Variants in KLHL5 observed in about 807,000 individuals in gnomAD.
The protein encoded by KLHL5 is kelch like family member 5, also known as kelch-like protein 5.
A neutral mutation model predicts 77.7 loss-of-function variants in KLHL5; 48 were observed. The ratio of observed to expected loss-of-function variants is 0.62; its 90% CI spans 0.49 to 0.79. The LOEUF is 0.79. KLHL5 is among the 30% of genes least tolerant of loss of function. The pLI is 0.00. For missense variants in KLHL5, 723 were observed against 859.7 expected, an observed-to-expected ratio of 0.84 and a Z score of 1.99; for synonymous variants, 260 against 297.0, an observed-to-expected ratio of 0.88 and a Z score of 1.28.
chr4:39,045,557 T>G (rs1402860398), intron 1 of KLHL5, among the ~76,000 whole-genome samples: 2 of 152,092 alleles, frequency 1.3e-5, no homozygotes, highest in African/African-American at 4.8e-5. Flanking sequence ...TTCTTTTAAA[T>G]AATACCCTCG....
chr4:39,085,724 G>A (rs985083135), intron 4 of KLHL5, among the ~76,000 whole-genome samples: 8 of 152,126 alleles, frequency 5.3e-5, no homozygotes, highest in African/African-American at 1.7e-4. Context: ...GGCCAGGACT[G>A]AGTCATCTTC....
At chr4:39,092,370 T>C (rs773807861) in intron 5 of KLHL5, among the ~76,000 whole-genome samples, 17 of 152,342 alleles carry the variant, frequency 1.1e-4, no homozygotes, top group Non-Finnish European at 2.1e-4. Flanking sequence ...ATAGATACTA[T>C]CTGTATATTA....
At chr4:39,077,703 A>AC (rs1282117374) in intron 2 of KLHL5, among the ~76,000 whole-genome samples, 5 of 151,226 alleles carry the variant, frequency 3.3e-5, no homozygotes, top group African/African-American at 9.8e-5. Context: ...GTAAAAAAAA[A>AC]AAAAAACAAA....
At chr4:39,102,921 T>C (rs1034143546) in intron 6 of KLHL5, among the ~76,000 whole-genome samples, 1 of 152,224 alleles carries the variant, frequency 6.6e-6, no homozygotes, top group Non-Finnish European at 1.5e-5. Context: ...CTTCATCTTA[T>C]TTGATCCTTT....
intron 8 of KLHL5, among the ~76,000 whole-genome samples, chr4:39,111,769 G>GT (rs1228106248): frequency 2.0e-5 from 3 of 152,010 alleles, no homozygotes; most frequent in Non-Finnish European, 4.4e-5. Flanking sequence ...TATTAATATA[G>GT]TTTAAGTTTA....
At chr4:39,110,639 A>C (rs1213905211) in intron 8 of KLHL5, among the ~76,000 whole-genome samples, 1 of 151,972 alleles carries the variant, frequency 6.6e-6, no homozygotes, top group Non-Finnish European at 1.5e-5. Flanking sequence ...ATTTTAAAAA[A>C]AATTTTTTTG....
At chr4:39,070,280 A>G (rs1718351540) in intron 1 of KLHL5, among the ~76,000 whole-genome samples, 1 of 152,124 alleles carries the variant, frequency 6.6e-6, no homozygotes, top group African/African-American at 2.4e-5. Flanking sequence ...GGTGGGTTTT[A>G]TTACCGTAAG....
At chr4:39,054,990 G>A (rs960911538) in intron 1 of KLHL5, among the ~76,000 whole-genome samples, 2 of 152,222 alleles carry the variant, frequency 1.3e-5, no homozygotes, top group African/African-American at 2.4e-5. Context: ...TGATGAAAGT[G>A]TAAAGAAAAG....
downstream of KLHL5, among the ~76,000 whole-genome samples, chr4:39,129,084 A>G (rs1158076773): frequency 6.6e-6 from 1 of 151,834 alleles, no homozygotes; most frequent in Non-Finnish European, 1.5e-5. The surrounding 1 kb of genome is among the most constrained non-coding windows in gnomAD (Gnocchi z 4.2). Context: ...TTAAGTAGCC[A>G]TACGGACTGC....
intron 4 of KLHL5, among the ~76,000 whole-genome samples, chr4:39,085,106 A>G (rs149014528): frequency 6.6e-6 from 1 of 152,276 alleles, no homozygotes; most frequent in Non-Finnish European, 1.5e-5. Flanking sequence ...TGTTACCAAA[A>G]TAATGTCAGT....
rs910923947 is a variant in KLHL5, at chr4:39,086,602, A to G, written c.988A>G (p.Asn330Asp). 1 of 1,613,840 alleles carries G rather than the reference A, an allele frequency of 6.2e-7. No homozygotes were observed. Among genetic ancestry groups the G allele is most frequent in the Admixed American group, 1.7e-5 (1 of 59,974 alleles). Residue 330 changes from asparagine (N) to aspartate (D), a missense_variant, in exon 5 of 11, where the codon AAC becomes GAC. Physicochemically the swap from Asn to Asp is conservative, Grantham distance 23. This residue lies in a region of KLHL5 where 288 missense variants were observed against 400.3 expected (regional missense o/e 0.72). Transcript: ENST00000504108. The part of the protein sequence containing the change: ...IAKLLASDDM[N>D]IPNEETILNA... ...AAAGCTCTTGGCTAGTGATGACATG[A>G]ACATTCCTAATGAGGAGACAATATT...
chr4:39,066,238 C>T (rs887627353), intron 1 of KLHL5, among the ~76,000 whole-genome samples: 1 of 152,088 alleles, frequency 6.6e-6, no homozygotes, highest in African/African-American at 2.4e-5. Flanking sequence ...TTTATGTGAG[C>T]AATAGGATCC....
At chr4:39,044,918 G>C (rs1716026044), upstream of KLHL5, 1 of 983,682 alleles carries the variant, frequency 1.0e-6, no homozygotes. Context: ...GACGGAGCGG[G>C]AGTGGCTCGC....
chr4:39,138,767 A>T, the KLHL5 span, among the ~76,000 whole-genome samples: 2 of 152,236 alleles, frequency 1.3e-5, no homozygotes, highest in Admixed American at 6.5e-5. Context: ...AGTTAAAAAA[A>T]TTAAATTAAA....
intron 2 of KLHL5, among the ~76,000 whole-genome samples, chr4:39,080,550 G>A (rs761485967): frequency 2.0e-5 from 3 of 151,162 alleles, no homozygotes; most frequent in African/African-American, 4.9e-5. Flanking sequence ...TAATTTAAAT[G>A]TATTATATAT....
At chr4:39,140,268 C>T in the KLHL5 span, among the ~76,000 whole-genome samples, 10 of 152,102 alleles carry the variant, frequency 6.6e-5, no homozygotes, top group Non-Finnish European at 1.3e-4. Flanking sequence ...ACAAGCAGTG[C>T]ATAATCCTGG....
chr4:39,126,666 G>A (rs1204854230), downstream of KLHL5: 1 of 450,976 alleles, frequency 2.2e-6, no homozygotes, highest in Admixed American at 2.4e-5. Context: ...ATTTCTTTGT[G>A]GATAATAAAC....
In KLHL5 at chr4:39,069,392, G is replaced by A. The variant is rs1718192281; in HGVS notation, c.383+6357G>A. Among the ~76,000 whole-genome samples the A allele has an allele frequency of 2.1e-5, 3 of 145,764 alleles. No individual in the cohort carries two copies. In the South Asian group the frequency reaches 6.6e-4, roughly 32 times the overall value. ...TGAATAGAACTCTTCAGAGTTCTTT[G>A]GATCTAATTTTTAAGTGAATTTTTC... On this transcript the variant is annotated intron_variant, in intron 1 of 10. Transcript: ENST00000504108.
chr4:39,102,463 A>C (rs1721663838), intron 6 of KLHL5, among the ~76,000 whole-genome samples: 1 of 151,068 alleles, frequency 6.6e-6, no homozygotes, highest in South Asian at 2.1e-4. Context: ...CATAGTTCCC[A>C]AAGTACCCGA....
Sources: allele counts gnomAD v4.1 joint callset (sites outside exome capture counted in the v4.1 genomes callset), GRCh38; gene constraint gnomAD v4.1.1; regional missense constraint gnomAD v4.1.1; non-coding constraint Gnocchi (gnomAD v3.1); transcripts MANE v1.5; gene names NCBI Gene and HGNC (gene_info 2026-07-23, HGNC 2026-07-21).